Variants in KIAA1328 observed in about 807,000 individuals in gnomAD.
The protein encoded by KIAA1328 is protein hinderin.
KIAA1328 carries 52 observed loss-of-function variants against 68.1 expected under a neutral mutation model. That is an observed-to-expected ratio of 0.76 (90% CI 0.61 to 0.96). The LOEUF is 0.96. KIAA1328 is among the 40% of genes least tolerant of loss of function. The pLI is 0.00. For synonymous variants in KIAA1328, 232 were observed against 239.4 expected, an observed-to-expected ratio of 0.97 and a Z score of 0.28; for missense variants, 641 against 677.6, an observed-to-expected ratio of 0.95 and a Z score of 0.60.
intron 4 of KIAA1328, among the ~76,000 whole-genome samples, chr18:36,845,510 C>T (rs1485912330): frequency 6.6e-6 from 1 of 151,658 alleles, no homozygotes; most frequent in Non-Finnish European, 1.5e-5. Flanking sequence ...AGCTGCCAAG[C>T]TTGGAGAATA....
At chr18:37,209,265 G>A (rs1392789644) in intron 9 of KIAA1328, among the ~76,000 whole-genome samples, 6 of 152,166 alleles carry the variant, frequency 3.9e-5, no homozygotes, top group Admixed American at 2.0e-4. Context: ...GTTGCCCACG[G>A]AAGGTGCTGA....
chr18:36,961,126 C>T (rs2051649845), intron 6 of KIAA1328, among the ~76,000 whole-genome samples: 1 of 152,112 alleles, frequency 6.6e-6, no homozygotes, highest in South Asian at 2.1e-4. Flanking sequence ...CTTAAATGAC[C>T]TGATGGAGCT....
At chr18:37,050,644 A>G (rs1477275474) in intron 6 of KIAA1328, among the ~76,000 whole-genome samples, 1 of 152,192 alleles carries the variant, frequency 6.6e-6, no homozygotes, top group Non-Finnish European at 1.5e-5. Flanking sequence ...TCAAAAATAA[A>G]TATCCTCACA....
At chr18:37,092,883 G>T (rs935611753) in intron 7 of KIAA1328, among the ~76,000 whole-genome samples, 4 of 152,088 alleles carry the variant, frequency 2.6e-5, no homozygotes, top group African/African-American at 9.7e-5. Flanking sequence ...TTGGATGCTC[G>T]AGGTATGGCC....
intron 6 of KIAA1328, among the ~76,000 whole-genome samples, chr18:37,041,365 C>CT (rs899920779): frequency 6.6e-6 from 1 of 151,854 alleles, no homozygotes; most frequent in Non-Finnish European, 1.5e-5. Flanking sequence ...CTTCATTTCT[C>CT]TTTTATTTAC....
chr18:36,978,845 C>T (rs1468131593), intron 6 of KIAA1328, among the ~76,000 whole-genome samples: 5 of 152,128 alleles, frequency 3.3e-5, no homozygotes, highest in South Asian at 2.1e-4. Context: ...TTCCTTAAAG[C>T]GGCTGACTAG....
intron 7 of KIAA1328, among the ~76,000 whole-genome samples, chr18:37,112,840 G>C (rs2057975681): frequency 6.6e-6 from 1 of 152,150 alleles, no homozygotes; most frequent in African/African-American, 2.4e-5. Flanking sequence ...GAAAACCATG[G>C]CACAAACACT....
At chr18:37,026,766 C>A (rs1370661065) in intron 6 of KIAA1328, among the ~76,000 whole-genome samples, 1 of 152,182 alleles carries the variant, frequency 6.6e-6, no homozygotes, top group Non-Finnish European at 1.5e-5. Context: ...CAGCCAATAT[C>A]ATACTGAATG....
At chr18:36,974,118 CTGTT>C (rs1304482539) in intron 6 of KIAA1328, among the ~76,000 whole-genome samples, 2 of 152,042 alleles carry the variant, frequency 1.3e-5, no homozygotes, top group East Asian at 3.9e-4. Context: ...TTATATCTGA[CTGTT>C]TGACATTTGT....
At chr18:36,954,087 C>G (rs2051296657) in intron 5 of KIAA1328, among the ~76,000 whole-genome samples, 1 of 143,552 alleles carries the variant, frequency 7.0e-6, no homozygotes. Context: ...ACTGCAAGCT[C>G]TGCTTCCCGG....
chr18:37,168,162 T>C (rs747868829), intron 8 of KIAA1328, among the ~76,000 whole-genome samples: 1 of 152,222 alleles, frequency 6.6e-6, no homozygotes, highest in Non-Finnish European at 1.5e-5. Flanking sequence ...AATCCAACAT[T>C]CTTTCATGCT....
At chr18:36,851,989 T>G (rs1477962915) in intron 4 of KIAA1328, among the ~76,000 whole-genome samples, 1 of 152,178 alleles carries the variant, frequency 6.6e-6, no homozygotes, top group African/African-American at 2.4e-5. Flanking sequence ...GTTTTTGTTT[T>G]CATTCATTTC....
Position 36,974,159 on chromosome 18 carries a change from CT to C in KIAA1328, c.576+14730del, listed in dbSNP as rs2052366369. Among the ~76,000 whole-genome samples the C allele has an allele frequency of 2.6e-5, 4 of 151,976 alleles. No individual in the cohort carries two copies. In the South Asian group the frequency reaches 8.3e-4, roughly 32 times the overall value. Reference sequence around the variant, plus strand: ...CTCAATTCTCCATCTCAGAAGAAGGCTTTTTTCTTTTTTGATTTGTATAAAT... The same window carrying C: ...CTCAATTCTCCATCTCAGAAGAAGGCTTTTTCTTTTTTGATTTGTATAAAT... On this transcript the variant is annotated intron_variant, in intron 6 of 9. Transcript: ENST00000280020.
chr18:37,009,300 C>G (rs919473993), intron 6 of KIAA1328, among the ~76,000 whole-genome samples: 4 of 152,158 alleles, frequency 2.6e-5, no homozygotes, highest in Non-Finnish European at 5.9e-5. Context: ...GCTCAACCTT[C>G]TTTGCAGATG....
chr18:37,082,397 C>T (rs1412853502), intron 7 of KIAA1328, among the ~76,000 whole-genome samples: 1 of 152,102 alleles, frequency 6.6e-6, no homozygotes, highest in African/African-American at 2.4e-5. Context: ...GTCTCAAACT[C>T]CTTACCTCAG....
In KIAA1328 at chr18:36,971,981, C is replaced by T. The variant is rs142979915; in HGVS notation, c.576+12546C>T. Reference sequence around the variant, plus strand: ...GACACAAGTTTACCTATATAACAAACCTGCATATGTACAGTGAACCTAAAA... The same window carrying T: ...GACACAAGTTTACCTATATAACAAATCTGCATATGTACAGTGAACCTAAAA... On this transcript the variant is annotated intron_variant, in intron 6 of 9. Transcript: ENST00000280020. Among the ~76,000 whole-genome samples, 343 of 152,214 alleles carry T rather than the reference C, an allele frequency of 2.3e-3. 2 individuals are homozygous for T. Among genetic ancestry groups the T allele is most frequent in the African/African-American group, 7.9e-3 (328 of 41,532 alleles).
At chr18:37,186,340 T>C (rs570597027) in intron 9 of KIAA1328, among the ~76,000 whole-genome samples, 29 of 151,182 alleles carry the variant, frequency 1.9e-4, no homozygotes, top group Middle Eastern at 3.4e-3. Context: ...CCAAGGAGGG[T>C]GGATCACTTG....
At chr18:37,128,517 G>A (rs1178933315) in intron 7 of KIAA1328, among the ~76,000 whole-genome samples, 2 of 152,140 alleles carry the variant, frequency 1.3e-5, no homozygotes, top group African/African-American at 4.8e-5. Flanking sequence ...ATGCTGATGA[G>A]GATGTGGAGC....
intron 6 of KIAA1328, among the ~76,000 whole-genome samples, chr18:36,970,201 A>G (rs2052127760): frequency 6.6e-6 from 1 of 152,246 alleles, no homozygotes. Context: ...ACCAATGACA[A>G]AACCACATGA....
Sources: allele counts gnomAD v4.1 joint callset (sites outside exome capture counted in the v4.1 genomes callset), GRCh38; gene constraint gnomAD v4.1.1; transcripts MANE v1.5; gene names NCBI Gene and HGNC (gene_info 2026-07-23, HGNC 2026-07-21).